The following OTOGL variants were observed in gnomAD, a reference collection of about 807,000 sequenced individuals.
OTOGL encodes the protein otogelin like.
In OTOGL, 285 loss-of-function variants were observed where a neutral mutation model predicts 318.5. The observed-to-expected ratio is 0.89, with a 90% CI of 0.81 to 0.99. The LOEUF is 0.99. Among genes scored for constraint, OTOGL ranks in the 50% least tolerant of loss-of-function variants. The pLI is 0.00. For synonymous variants in OTOGL, 987 were observed against 936.5 expected (o/e 1.05, Z -0.99); for missense variants, 2,899 against 2,845.6 (o/e 1.02, Z -0.43).
At chr12:80,162,107 T>G (rs1565884020) in intron 1 of OTOGL, among the ~76,000 whole-genome samples, 2 of 152,146 alleles carry the variant, frequency 1.3e-5, no homozygotes, top group African/African-American at 4.8e-5. Flanking sequence ...TCTAAAGTGA[T>G]TTTATGGTTT....
intron 38 of OTOGL, among the ~76,000 whole-genome samples, chr12:80,334,050 C>T (rs539751704): frequency 2.0e-5 from 3 of 152,238 alleles, no homozygotes; most frequent in Admixed American, 2.0e-4. Flanking sequence ...ATTACACCAT[C>T]TGAGTAGCTT....
intron 34 of OTOGL, among the ~76,000 whole-genome samples, chr12:80,322,339 T>C (rs1169701933): frequency 6.6e-6 from 1 of 152,144 alleles, no homozygotes; most frequent in Non-Finnish European, 1.5e-5. Context: ...GAACCAGACC[T>C]AGTAGCCCCA....
intron 1 of OTOGL, among the ~76,000 whole-genome samples, chr12:80,168,275 C>T (rs544734196): frequency 2.0e-5 from 3 of 152,042 alleles, no homozygotes; most frequent in Non-Finnish European, 2.9e-5. Context: ...GAAAGTTCCT[C>T]CACTACAAAA....
At chr12:80,142,768 A>G (rs1872039549) in intron 1 of OTOGL, among the ~76,000 whole-genome samples, 4 of 152,142 alleles carry the variant, frequency 2.6e-5, no homozygotes, top group Admixed American at 2.6e-4. Context: ...TGGTTGGGCC[A>G]AACGAGGCAG....
intron 1 of OTOGL, among the ~76,000 whole-genome samples, chr12:80,194,159 C>A (rs373289132): frequency 3.9e-5 from 6 of 152,272 alleles, no homozygotes; most frequent in Admixed American, 6.5e-5. Context: ...GGCATGTGAC[C>A]TAGTCAGGCA....
At chr12:80,170,357 T>G (rs1438274645) in intron 1 of OTOGL, among the ~76,000 whole-genome samples, 1 of 152,164 alleles carries the variant, frequency 6.6e-6, no homozygotes, top group African/African-American at 2.4e-5. Context: ...TATTTTTATG[T>G]GATTATGTGC....
chr12:80,235,391 G>A (rs1399432227), intron 9 of OTOGL, among the ~76,000 whole-genome samples: 1 of 150,258 alleles, frequency 6.7e-6, no homozygotes, highest in Non-Finnish European at 1.5e-5. Flanking sequence ...CTTGAACATG[G>A]GAGGTGGAGG....
At chr12:80,134,438 T>G (rs2137126434) in intron 1 of OTOGL, among the ~76,000 whole-genome samples, 1 of 152,314 alleles carries the variant, frequency 6.6e-6, no homozygotes, top group Non-Finnish European at 1.5e-5. Context: ...TGAATTATGG[T>G]TTTTAAGTAG....
intron 1 of OTOGL, among the ~76,000 whole-genome samples, chr12:80,200,269 A>G (rs1459513933): frequency 6.6e-6 from 1 of 152,204 alleles, no homozygotes; most frequent in Admixed American, 6.5e-5. Flanking sequence ...TGGGAGCACA[A>G]TTTCCTAAGA....
At chr12:80,176,540 TA>T (rs1874540672) in intron 1 of OTOGL, among the ~76,000 whole-genome samples, 1 of 152,178 alleles carries the variant, frequency 6.6e-6, no homozygotes, top group South Asian at 2.1e-4. Context: ...TCACTCAATA[TA>T]TTTTTTTGAG....
At chr12:80,144,128 C>T (rs1004186523) in intron 1 of OTOGL, among the ~76,000 whole-genome samples, 5 of 150,724 alleles carry the variant, frequency 3.3e-5, no homozygotes, top group Non-Finnish European at 7.4e-5. Flanking sequence ...CATATGTAAA[C>T]ATGTGCCACG....
chr12:80,152,895 T>C lies in OTOGL; in HGVS notation c.-20+53290T>C, dbSNP rs546887741. Among the ~76,000 whole-genome samples, 8 of 152,322 alleles carry C rather than the reference T, an allele frequency of 5.3e-5. No individual in the cohort carries two copies. In the South Asian group the frequency reaches 1.7e-3, roughly 32 times the overall value. On this transcript the variant is annotated intron_variant, in intron 1 of 58. Coordinates refer to ENST00000547103, the MANE Select transcript of OTOGL (RefSeq NM_001378609.3). ...TTTTAGTAGAGACAGGGTTTCACCA[T>C]GTTGGCCAGGCAGGTGCCAATTTCG...
intron 18 of OTOGL, among the ~76,000 whole-genome samples, chr12:80,261,319 T>C (rs1194694387): frequency 6.6e-6 from 1 of 152,134 alleles, no homozygotes; most frequent in East Asian, 1.9e-4. Context: ...TGTTGGTTGA[T>C]GAATGAATAC....
At chr12:80,216,424 C>T (rs1592557377) in intron 4 of OTOGL, among the ~76,000 whole-genome samples, 1 of 152,192 alleles carries the variant, frequency 6.6e-6, no homozygotes, top group South Asian at 2.1e-4. Context: ...AATATTGCCC[C>T]AGCCCATACA....
intron 9 of OTOGL, among the ~76,000 whole-genome samples, chr12:80,237,707 A>G (rs1217796094): frequency 6.6e-6 from 1 of 152,200 alleles, no homozygotes; most frequent in Non-Finnish European, 1.5e-5. Context: ...GGTAAAGTTT[A>G]GGATTTTACT....
chr12:80,172,763 C>A (rs1018571025), intron 1 of OTOGL, among the ~76,000 whole-genome samples: 3 of 152,158 alleles, frequency 2.0e-5, no homozygotes, highest in African/African-American at 7.2e-5. Context: ...CAGCCTCTGC[C>A]TCTTGGGTTC....
At chr12:80,218,795 CTTTTTTTTTTT>C (rs34204072) in intron 5 of OTOGL, among the ~76,000 whole-genome samples, 6 of 118,240 alleles carry the variant, frequency 5.1e-5, no homozygotes, top group African/African-American at 2.1e-4. Context: ...CTTTTTCTTT[CTTTTTTTTTTT>C]TTTTTTTTGA....
At chr12:80,147,434 C>A (rs1484238045) in intron 1 of OTOGL, among the ~76,000 whole-genome samples, 2 of 150,622 alleles carry the variant, frequency 1.3e-5, no homozygotes, top group Non-Finnish European at 2.9e-5. Context: ...TTGTTATAAT[C>A]TCTGTTCTTT....
In OTOGL at chr12:80,313,650, A is replaced by G. The variant is rs762227406; in HGVS notation, c.3607+18A>G. On this transcript the variant is annotated intron_variant, in intron 31 of 58. Transcript: ENST00000547103. ...TGTTTGTTGTAAGTACCCTACTTAG[A>G]ACATCATTATGTAGAGAACTGATAA... 9 of 1,592,722 alleles carry G rather than the reference A, an allele frequency of 5.7e-6. No individual in the cohort carries two copies. In the Admixed American group the frequency reaches 1.5e-4, roughly 27 times the overall value.
Sources: allele counts gnomAD v4.1 joint callset (sites outside exome capture counted in the v4.1 genomes callset), GRCh38; gene constraint gnomAD v4.1.1; transcripts MANE v1.5; gene names NCBI Gene and HGNC (gene_info 2026-07-23, HGNC 2026-07-21).